The following DHX15 variants were observed in gnomAD, a reference collection of about 807,000 sequenced individuals.
The protein encoded by DHX15 is ATP-dependent RNA helicase DHX15.
In DHX15, 11 loss-of-function variants were observed where a neutral mutation model predicts 94.4. That is an observed-to-expected ratio of 0.12 (90% confidence interval 0.07 to 0.19). DHX15 has a LOEUF of 0.19. DHX15 is among the 10% of genes least tolerant of loss of function. The pLI is 1.00. For missense variants in DHX15, 304 were observed against 988.5 expected, an observed-to-expected ratio of 0.31 and a Z score of 9.29; for synonymous variants, 338 against 329.9, an observed-to-expected ratio of 1.02 and a Z score of -0.27.
At chr4:24,575,198 C>G (rs1722229463) in intron 2 of DHX15, among the ~76,000 whole-genome samples, 1 of 151,558 alleles carries the variant, frequency 6.6e-6, no homozygotes, top group Non-Finnish European at 1.5e-5. Flanking sequence ...GGTACTAAGG[C>G]TCAGTCTATA....
Position 24,532,870 on chromosome 4 carries a change from A to G in DHX15, c.2094T>C (p.Phe698=). 6 of 1,603,266 alleles carry G rather than the reference A, an allele frequency of 3.7e-6. No homozygotes were observed. The highest frequency in any genetic ancestry group is 5.1e-6 in the Non-Finnish European group (6 of 1,174,102). The change falls in exon 12 of 14, where the codon TTT becomes TTC. Residue 698 remains phenylalanine, a synonymous_variant. Coordinates refer to ENST00000336812, the MANE Select transcript of DHX15 (RefSeq NM_001358.3). The part of the protein sequence containing the change: ...NIRKALVTGY[F]MQVAHLERTG... Reference sequence around the variant, plus strand: ...TCCCATATTATCTACATACCTGCATAAAATACCCAGTAACCAAAGCTTTTC... The same window carrying G: ...TCCCATATTATCTACATACCTGCATGAAATACCCAGTAACCAAAGCTTTTC...
At chr4:24,573,101 G>A (rs182179449) in intron 2 of DHX15, among the ~76,000 whole-genome samples, 61 of 152,218 alleles carry the variant, frequency 4.0e-4, no homozygotes, top group Middle Eastern at 6.8e-3. Context: ...AGTAGAGATG[G>A]GGTTTCACCA....
chr4:24,532,019 C>T (rs1265820315), intron 12 of DHX15, among the ~76,000 whole-genome samples: 1 of 152,168 alleles, frequency 6.6e-6, no homozygotes, highest in Admixed American at 6.5e-5. Flanking sequence ...GCTTAAAAGA[C>T]ACAGCCAAAG....
intron 2 of DHX15, among the ~76,000 whole-genome samples, chr4:24,572,262 G>C (rs1722139061): frequency 6.6e-6 from 1 of 152,140 alleles, no homozygotes; most frequent in African/African-American, 2.4e-5. Flanking sequence ...AGCCTCCCAA[G>C]TAGCTGGGAC....
intron 8 of DHX15, 102 bp downstream of exon 8, chr4:24,541,771 A>C: frequency 1.6e-6 from 2 of 1,255,060 alleles, no homozygotes; most frequent in Non-Finnish European, 2.2e-6. Context: ...GGAGCTTTTA[A>C]TCCTAAAAGG....
chr4:24,569,667 CAA>C (rs1224855994), intron 3 of DHX15, among the ~76,000 whole-genome samples: 1 of 147,458 alleles, frequency 6.8e-6, no homozygotes, highest in Non-Finnish European at 1.5e-5. Flanking sequence ...TCTCTGACAA[CAA>C]AGACTCTGAC....
At chr4:24,560,648 T>C (rs1380253537) in intron 3 of DHX15, among the ~76,000 whole-genome samples, 1 of 152,194 alleles carries the variant, frequency 6.6e-6, no homozygotes, top group African/African-American at 2.4e-5. Context: ...GGGCAAAGCA[T>C]ATGATGAAAC....
At chr4:24,530,663 G>T (rs1184869462) in intron 12 of DHX15, 1 of 149,206 alleles carries the variant, frequency 6.7e-6, no homozygotes, top group Non-Finnish European at 1.5e-5. Flanking sequence ...AACCTACAAA[G>T]ACAGGAAAAT....
At chr4:24,547,901 G>GTA (rs1560765687) in intron 6 of DHX15, among the ~76,000 whole-genome samples, 33 of 14,148 alleles carry the variant, frequency 2.3e-3, no homozygotes, top group East Asian at 0.013. Flanking sequence ...ATGTATGTAT[G>GTA]TGTATATATA....
intron 3 of DHX15, among the ~76,000 whole-genome samples, chr4:24,568,495 T>G (rs1006454885): frequency 2.0e-5 from 3 of 152,160 alleles, no homozygotes; most frequent in African/African-American, 4.8e-5. Context: ...AAAATCACAA[T>G]GCCAAAAATA....
intron 3 of DHX15, among the ~76,000 whole-genome samples, chr4:24,569,621 A>G (rs1722074037): frequency 6.8e-6 from 1 of 146,470 alleles, no homozygotes; most frequent in Admixed American, 6.9e-5. Context: ...AAAAAGAGAG[A>G]CTCTTGTTTC....
At chr4:24,575,647 T>C (rs937245179) in intron 2 of DHX15, among the ~76,000 whole-genome samples, 5 of 152,174 alleles carry the variant, frequency 3.3e-5, no homozygotes, top group Non-Finnish European at 4.4e-5. Flanking sequence ...ACCCAGCAAT[T>C]TCTGCTTCCT....
chr4:24,565,271 G>A (rs1320787450), intron 3 of DHX15, among the ~76,000 whole-genome samples: 1 of 152,190 alleles, frequency 6.6e-6, no homozygotes, highest in Non-Finnish European at 1.5e-5. Context: ...TAGAGCCTCA[G>A]CAAACCAAGT....
At chr4:24,547,943 CTATATCTA>C (rs201938139) in intron 6 of DHX15, among the ~76,000 whole-genome samples, 29,395 of 72,112 alleles carry the variant, frequency 0.41, 3,739 homozygotes, top group East Asian at 0.55. Context: ...ATATATATAT[CTATATCTA>C]TATCTATATC....
chr4:24,546,394 T>TA (rs1228941548), intron 6 of DHX15, among the ~76,000 whole-genome samples: 1 of 152,188 alleles, frequency 6.6e-6, no homozygotes, highest in Non-Finnish European at 1.5e-5. Context: ...ACTAAATATT[T>TA]AAAAAATAAT....
intron 6 of DHX15, among the ~76,000 whole-genome samples, chr4:24,548,448 A>G (rs1262605879): frequency 6.6e-6 from 1 of 152,136 alleles, no homozygotes; most frequent in African/African-American, 2.4e-5. Context: ...CGGCCAGATC[A>G]GTGCTACTGT....
At chr4:24,576,788 C>G (rs1345012992) in intron 1 of DHX15, 110 bp from the exon 2 acceptor site, 1 of 1,418,958 alleles carries the variant, frequency 7.0e-7, no homozygotes, top group South Asian at 1.5e-5. Context: ...ATAAAAAGTC[C>G]AATGGATTAT....
chr4:24,531,045 A>C (rs1721073716), intron 12 of DHX15, among the ~76,000 whole-genome samples: 1 of 152,132 alleles, frequency 6.6e-6, no homozygotes, highest in Non-Finnish European at 1.5e-5. Flanking sequence ...AACAAATTTT[A>C]ATCTACATAA....
intron 1 of DHX15, among the ~76,000 whole-genome samples, chr4:24,580,006 TG>T (rs1722372851): frequency 6.6e-6 from 1 of 152,212 alleles, no homozygotes; most frequent in Non-Finnish European, 1.5e-5. Context: ...CCTCATGATC[TG>T]ACTGCCTCGG....
Sources: allele counts gnomAD v4.1 joint callset (sites outside exome capture counted in the v4.1 genomes callset), GRCh38; gene constraint gnomAD v4.1.1; transcripts MANE v1.5; gene names NCBI Gene and HGNC (gene_info 2026-07-23, HGNC 2026-07-21).